Variants in PRKCE observed in about 807,000 individuals in gnomAD.
PRKCE encodes the protein protein kinase C epsilon type.
A neutral mutation model predicts 85.4 loss-of-function variants in PRKCE; 16 were observed. The observed-to-expected ratio is 0.19, with a 90% CI of 0.13 to 0.28. The LOEUF (loss-of-function observed/expected upper bound fraction) is 0.28, where lower values mean the gene tolerates loss of function less well. Among genes scored for constraint, PRKCE ranks in the 10% least tolerant of loss-of-function variants. The pLI, the probability that PRKCE is intolerant of heterozygous loss-of-function variation, is 1.00. For synonymous variants in PRKCE, 388 were observed against 371.5 expected (o/e 1.04, Z -0.51); for missense variants, 573 against 975.2 (o/e 0.59, Z 5.49).
At chr2:45,676,104 G>A (rs908342528) in intron 1 of PRKCE, 5 of 152,148 alleles carry the variant, frequency 3.3e-5, no homozygotes, top group South Asian at 4.1e-4. Flanking sequence ...TTGGCGTGAC[G>A]GGATTTTCTT....
intron 11 of PRKCE, among the ~76,000 whole-genome samples, chr2:46,106,990 G>A (rs1671779611): frequency 6.6e-6 from 1 of 152,144 alleles, no homozygotes; most frequent in East Asian, 1.9e-4. Flanking sequence ...GGATTTCTCA[G>A]CTTCCTAAAT....
At chr2:45,946,358 G>T (rs1039286817) in intron 2 of PRKCE, among the ~76,000 whole-genome samples, 2 of 152,110 alleles carry the variant, frequency 1.3e-5, no homozygotes, top group African/African-American at 4.8e-5. Flanking sequence ...TAAAATTTAT[G>T]ATACGGTTTA....
At chr2:45,702,713 G>A (rs1678751547) in intron 1 of PRKCE, among the ~76,000 whole-genome samples, 1 of 151,978 alleles carries the variant, frequency 6.6e-6, no homozygotes, top group African/African-American at 2.4e-5. Flanking sequence ...TAAAGCTCTA[G>A]GGGTACCCCA....
At chr2:45,872,145 G>A (rs1694141973) in intron 2 of PRKCE, among the ~76,000 whole-genome samples, 1 of 152,132 alleles carries the variant, frequency 6.6e-6, no homozygotes, top group African/African-American at 2.4e-5. Flanking sequence ...AATTAAGCAA[G>A]AAAGGGTGAT....
Position 46,024,306 on chromosome 2 carries a change from A to ATT in PRKCE, c.1437+13804_1437+13805dup, listed in dbSNP as rs34612971. 2.0e-3 allele frequency among the ~76,000 whole-genome samples: 279 copies of ATT among 139,362 alleles called. 1 individual carries two copies. Among genetic ancestry groups the ATT allele is most frequent in the Middle Eastern group, 3.6e-3 (1 of 276 alleles). The allele number at this position is 139,362 out of a possible 152,430, so 91.4% of individuals were successfully genotyped here. ...ACCCTCTGCTTCCTGTTATGAGGAC[A>ATT]TTTTTTTTTTTTTTTTGCAGAGGCA... On this transcript the variant is annotated intron_variant, in intron 10 of 14. Coordinates refer to ENST00000306156, the MANE Select transcript of PRKCE (RefSeq NM_005400.3).
At chr2:45,764,926 A>T (rs971019294) in intron 1 of PRKCE, among the ~76,000 whole-genome samples, 2 of 152,184 alleles carry the variant, frequency 1.3e-5, no homozygotes, top group African/African-American at 4.8e-5. Flanking sequence ...CTTAGAGACA[A>T]TGGAGTCTCT....
intron 6 of PRKCE, among the ~76,000 whole-genome samples, chr2:45,992,269 T>G (rs1240010534): frequency 6.6e-6 from 1 of 152,188 alleles, no homozygotes; most frequent in Non-Finnish European, 1.5e-5. Context: ...ACGTGGCAGA[T>G]TGGCTGAAAA....
At chr2:45,765,542 T>A (rs535117164) in intron 1 of PRKCE, among the ~76,000 whole-genome samples, 10 of 152,382 alleles carry the variant, frequency 6.6e-5, no homozygotes, top group African/African-American at 2.4e-4. Context: ...GCTTCCAAAG[T>A]TCTTCATTCA....
At chr2:45,672,797 G>A (rs1419101902) in intron 1 of PRKCE, among the ~76,000 whole-genome samples, 1 of 152,114 alleles carries the variant, frequency 6.6e-6, no homozygotes, top group Non-Finnish European at 1.5e-5. Context: ...AGGCTGAGGT[G>A]GGAGGATAGC....
intron 1 of PRKCE, among the ~76,000 whole-genome samples, chr2:45,675,926 C>T (rs1364216031): frequency 2.0e-5 from 3 of 152,128 alleles, no homozygotes; most frequent in Non-Finnish European, 2.9e-5. Flanking sequence ...GCATTTTACT[C>T]CCCTTTTTCA....
At chr2:45,808,567 C>T (rs1421064227) in intron 1 of PRKCE, among the ~76,000 whole-genome samples, 7 of 152,198 alleles carry the variant, frequency 4.6e-5, no homozygotes, top group African/African-American at 1.7e-4. Context: ...GGTGCCAGCC[C>T]TTCCCATTGT....
At chr2:45,659,404 A>G (rs1460720469) in intron 1 of PRKCE, among the ~76,000 whole-genome samples, 1 of 152,122 alleles carries the variant, frequency 6.6e-6, no homozygotes, top group Non-Finnish European at 1.5e-5. Context: ...TGCTGACCTC[A>G]CTTGGGTCCA....
chr2:46,121,442 A>C (rs1009731823), intron 11 of PRKCE, among the ~76,000 whole-genome samples: 1 of 152,194 alleles, frequency 6.6e-6, no homozygotes, highest in Non-Finnish European at 1.5e-5. Context: ...TCTCTCTGAC[A>C]CCAAGGTGCC....
chr2:46,075,006 A>G (rs748308279), intron 10 of PRKCE, among the ~76,000 whole-genome samples: 1 of 152,186 alleles, frequency 6.6e-6, no homozygotes, highest in African/African-American at 2.4e-5. Flanking sequence ...ATTGGATTAG[A>G]ACAAGAATAC....
intron 10 of PRKCE, among the ~76,000 whole-genome samples, chr2:46,019,233 T>G (rs1208850386): frequency 6.6e-6 from 1 of 152,206 alleles, no homozygotes; most frequent in Admixed American, 6.5e-5. Flanking sequence ...GTTTGTACTT[T>G]CTCCCCATGC....
intron 1 of PRKCE, among the ~76,000 whole-genome samples, chr2:45,814,114 C>T (rs567101042): frequency 6.6e-6 from 1 of 152,194 alleles, no homozygotes; most frequent in East Asian, 1.9e-4. Context: ...GAGTTTCAAA[C>T]TGGAATAGTG....
At chr2:45,896,363 G>A (rs1406119028) in intron 2 of PRKCE, among the ~76,000 whole-genome samples, 1 of 152,310 alleles carries the variant, frequency 6.6e-6, no homozygotes, top group South Asian at 2.1e-4. Context: ...CTAGATGAAA[G>A]TCATGGACTT....
At chr2:45,814,652 C>G (rs1688897700) in intron 1 of PRKCE, among the ~76,000 whole-genome samples, 2 of 152,240 alleles carry the variant, frequency 1.3e-5, no homozygotes, top group South Asian at 4.1e-4. Flanking sequence ...CTCCTGGGGT[C>G]TGTGCTATTC....
chr2:45,967,300 C>A (rs974180555), intron 2 of PRKCE, among the ~76,000 whole-genome samples: 6 of 152,194 alleles, frequency 3.9e-5, no homozygotes, highest in African/African-American at 1.4e-4. Context: ...ATTCAACAAT[C>A]ACCATCTGAA....
Sources: gnomAD v4.1 joint callset for allele counts (sites outside exome capture counted in the v4.1 genomes callset) on GRCh38, gnomAD v4.1.1 for gene constraint, MANE v1.5 for transcripts, NCBI Gene and HGNC (gene_info 2026-07-23, HGNC 2026-07-21) for gene names.